PRKCE: variants seen among roughly 807,000 people sequenced by gnomAD.
PRKCE encodes the protein protein kinase C epsilon type.
Under a neutral mutation model 85.4 loss-of-function variants are expected in PRKCE, and 16 were observed. The ratio of observed to expected loss-of-function variants is 0.19; its 90% CI spans 0.13 to 0.28. The LOEUF is 0.28. Among genes scored for constraint, PRKCE ranks in the 10% least tolerant of loss-of-function variants. The pLI, the probability that PRKCE is intolerant of heterozygous loss-of-function variation, is 1.00. For synonymous variants in PRKCE, 388 were observed against 371.5 expected, an observed-to-expected ratio of 1.04 and a Z score of -0.51; for missense variants, 573 against 975.2, an observed-to-expected ratio of 0.59 and a Z score of 5.49.
At chr2:46,112,891 T>A (rs1182250973) in intron 11 of PRKCE, among the ~76,000 whole-genome samples, 7 of 152,166 alleles carry the variant, frequency 4.6e-5, no homozygotes, top group African/African-American at 1.4e-4. Flanking sequence ...GTTGCTTTTT[T>A]ACTAAAAAGA....
At chr2:46,121,423 T>G (rs1338607770) in intron 11 of PRKCE, among the ~76,000 whole-genome samples, 2 of 152,216 alleles carry the variant, frequency 1.3e-5, no homozygotes, top group African/African-American at 2.4e-5. Context: ...AGATGTCCCC[T>G]GGTTCTGTTC....
chr2:46,010,749 G>T, intron 10 of PRKCE: 1 of 1,598,146 alleles, frequency 6.3e-7, no homozygotes, highest in Non-Finnish European at 8.5e-7. Flanking sequence ...ATTCTTTGCA[G>T]CCAGAGTTGG....
At chr2:45,868,319 C>CA (rs371501864) in intron 2 of PRKCE, among the ~76,000 whole-genome samples, 6,327 of 35,086 alleles carry the variant, frequency 0.18, 418 homozygotes, top group East Asian at 0.3. Flanking sequence ...CTTTCCTGTC[C>CA]AAAAAAAAAA....
intron 2 of PRKCE, among the ~76,000 whole-genome samples, chr2:45,918,156 G>A (rs1305158822): frequency 6.6e-6 from 1 of 152,248 alleles, no homozygotes; most frequent in Non-Finnish European, 1.5e-5. Context: ...CTCCTCAAAT[G>A]CCGCCAGAGT....
intron 1 of PRKCE, among the ~76,000 whole-genome samples, chr2:45,761,092 CCAAGGT>C (rs1684440448): frequency 2.6e-5 from 4 of 152,092 alleles, no homozygotes; most frequent in African/African-American, 9.6e-5. Context: ...CTTTGGGAGG[CCAAGGT>C]GGGCGGATCA....
At chr2:46,042,043 G>A (rs1365541501) in intron 10 of PRKCE, among the ~76,000 whole-genome samples, 6 of 152,220 alleles carry the variant, frequency 3.9e-5, no homozygotes, top group Non-Finnish European at 8.8e-5. Flanking sequence ...TATATGATCT[G>A]TAGCTGAACT....
At chr2:45,865,805 T>C (rs1241661049) in intron 2 of PRKCE, among the ~76,000 whole-genome samples, 1 of 123,382 alleles carries the variant, frequency 8.1e-6, no homozygotes, top group Admixed American at 8.6e-5. Context: ...ATAAGTTTCT[T>C]CTTCTTCTTC....
chr2:45,889,958 G>T (rs1048779618), intron 2 of PRKCE, among the ~76,000 whole-genome samples: 1 of 152,160 alleles, frequency 6.6e-6, no homozygotes, highest in Non-Finnish European at 1.5e-5. Flanking sequence ...GTCCCTTATT[G>T]AAGTGCCTTT....
At chr2:45,886,864 T>C (rs2105849575) in intron 2 of PRKCE, among the ~76,000 whole-genome samples, 1 of 152,340 alleles carries the variant, frequency 6.6e-6, no homozygotes, top group African/African-American at 2.4e-5. Context: ...CTAGTAATGA[T>C]AGTAGTAGTA....
chr2:46,002,964 G>A (rs990054882), intron 7 of PRKCE, among the ~76,000 whole-genome samples: 2 of 152,146 alleles, frequency 1.3e-5, no homozygotes, highest in African/African-American at 4.8e-5. Context: ...TATTTACATG[G>A]GTTGTCATGC....
At chr2:45,779,826 CA>C (rs574456254) in intron 1 of PRKCE, among the ~76,000 whole-genome samples, 1 of 152,118 alleles carries the variant, frequency 6.6e-6, no homozygotes, top group East Asian at 1.9e-4. Flanking sequence ...TCCTTGTCAT[CA>C]AAAATTCAAA....
intron 1 of PRKCE, among the ~76,000 whole-genome samples, chr2:45,715,754 C>T (rs549023418): frequency 1.3e-5 from 2 of 152,308 alleles, no homozygotes; most frequent in East Asian, 1.9e-4. Context: ...TTGCACTACA[C>T]GAACTGCCTT....
chr2:46,058,441 C>T (rs2105106138), intron 10 of PRKCE, among the ~76,000 whole-genome samples: 1 of 152,316 alleles, frequency 6.6e-6, no homozygotes, highest in South Asian at 2.1e-4. Flanking sequence ...TTTATTTAAT[C>T]AACCAAACTT....
intron 1 of PRKCE, among the ~76,000 whole-genome samples, chr2:45,791,415 C>A (rs1416952201): frequency 1.3e-5 from 2 of 152,218 alleles, no homozygotes; most frequent in Non-Finnish European, 2.9e-5. Flanking sequence ...AGAGCAGGCC[C>A]TACACCCGCT....
At chr2:46,019,462 G>C (rs757819465) in intron 10 of PRKCE, among the ~76,000 whole-genome samples, 30 of 152,132 alleles carry the variant, frequency 2.0e-4, no homozygotes, top group African/African-American at 2.4e-5. Context: ...CAGCAAGTGG[G>C]TAAATGATGC....
In PRKCE at chr2:46,185,606, T is replaced by C. The variant is rs1229964988; in HGVS notation, c.*725T>C. On this transcript the variant is annotated 3_prime_UTR_variant, in exon 15 of 15. Transcript: ENST00000306156. This position sits in a 1 kb window ranked among gnomAD's most constrained non-coding sequence, Gnocchi z 4.7. ...AAAATATATTTTCAAATTCACTTTC[T>C]AATTGGCCAAAAGAGATGAGTTCCA... The C allele has an allele frequency of 1.3e-5, 2 of 152,692 alleles. No homozygotes were observed. The highest frequency in any genetic ancestry group is 2.9e-5 in the Non-Finnish European group (2 of 68,050). The allele number at this position is 152,692 out of a possible 1,614,324, so 9.5% of individuals were successfully genotyped here. A position where few individuals can be genotyped will look rare whatever the true frequency, so the allele number is the denominator to read the frequency against.
chr2:46,012,312 T>C (rs112743574), intron 10 of PRKCE, among the ~76,000 whole-genome samples: 54 of 152,200 alleles, frequency 3.5e-4, no homozygotes, highest in African/African-American at 1.2e-3. Context: ...TTCCTTTTTT[T>C]TTTTCTTTTC....
chr2:45,722,377 C>G (rs1446616029), intron 1 of PRKCE, among the ~76,000 whole-genome samples: 3 of 152,096 alleles, frequency 2.0e-5, no homozygotes, highest in Non-Finnish European at 4.4e-5. Context: ...TCTGGACTCT[C>G]CTGAGAGTAA....
intron 1 of PRKCE, among the ~76,000 whole-genome samples, chr2:45,700,093 C>T (rs1191494294): frequency 3.3e-5 from 5 of 152,012 alleles, no homozygotes; most frequent in African/African-American, 4.8e-5. Context: ...GTTAACTAAC[C>T]AGGCCGCCTG....
Sources: allele counts gnomAD v4.1 joint callset (sites outside exome capture counted in the v4.1 genomes callset), GRCh38; gene constraint gnomAD v4.1.1; non-coding constraint Gnocchi (gnomAD v3.1); transcripts MANE v1.5; gene names NCBI Gene and HGNC (gene_info 2026-07-23, HGNC 2026-07-21).